The following FRMPD1 variants were observed in gnomAD, a reference collection of about 807,000 sequenced individuals.
FRMPD1 encodes FERM and PDZ domain-containing protein 1.
In FRMPD1, 76 loss-of-function variants were observed where a neutral mutation model predicts 117.8. That is an observed-to-expected ratio of 0.65 (90% CI 0.54 to 0.78). FRMPD1 has a LOEUF of 0.78. Ranked by LOEUF, FRMPD1 falls within the 30% of genes least tolerant of loss-of-function variation. The probability of loss-of-function intolerance (pLI) is 0.00; values close to 1 mark genes in which losing one functional copy is unlikely to be tolerated. For synonymous variants in FRMPD1, 783 were observed against 770.4 expected (o/e 1.02, Z -0.27); for missense variants, 1,786 against 1,964.5 (o/e 0.91, Z 1.72).
intron 1 of FRMPD1, among the ~76,000 whole-genome samples, chr9:37,686,673 A>G (rs1821959013): frequency 6.6e-6 from 1 of 152,182 alleles, no homozygotes; most frequent in Non-Finnish European, 1.5e-5. Context: ...TAATTCTCTT[A>G]ATTAGAACCA....
At chr9:37,704,432 G>T (rs1265738261) in intron 2 of FRMPD1, among the ~76,000 whole-genome samples, 2 of 152,094 alleles carry the variant, frequency 1.3e-5, no homozygotes, top group Admixed American at 6.5e-5. Context: ...GTAGCTATTA[G>T]AAAACTTAAA....
chr9:37,735,491 A>C, intron 12 of FRMPD1, 61 bp from the exon 13 acceptor site: 1 of 1,250,618 alleles, frequency 8.0e-7, no homozygotes, highest in Non-Finnish European at 1.2e-6. Context: ...TATTGCTTAC[A>C]TGTGAAATGT....
At chr9:37,743,292 C>T (rs1239477920) in intron 15 of FRMPD1, among the ~76,000 whole-genome samples, 3 of 152,162 alleles carry the variant, frequency 2.0e-5, no homozygotes, top group African/African-American at 7.2e-5. Context: ...TATAAAAATG[C>T]ACTAATTCCT....
chr9:37,717,079 C>T (rs1823150984), intron 5 of FRMPD1, among the ~76,000 whole-genome samples: 1 of 152,046 alleles, frequency 6.6e-6, no homozygotes, highest in East Asian at 1.9e-4. Flanking sequence ...CTGGCCTTTT[C>T]CACAGGGGGA....
chr9:37,625,213 C>A, the FRMPD1 span, among the ~76,000 whole-genome samples: 1 of 152,256 alleles, frequency 6.6e-6, no homozygotes, highest in Non-Finnish European at 1.5e-5. Flanking sequence ...GATGAAAAAC[C>A]CTTCAAAGCT....
At chr9:37,649,577 G>T (rs746126905), upstream of FRMPD1, among the ~76,000 whole-genome samples, 2 of 152,220 alleles carry the variant, frequency 1.3e-5, no homozygotes, top group African/African-American at 4.8e-5. Context: ...ATTTGGAAAT[G>T]AAGGTCACAA....
At chr9:37,698,544 A>G (rs1588938042) in intron 2 of FRMPD1, among the ~76,000 whole-genome samples, 1 of 109,880 alleles carries the variant, frequency 9.1e-6, no homozygotes, top group East Asian at 2.7e-4. Flanking sequence ...TATGCATCTC[A>G]TTATCTTTTT....
intron 14 of FRMPD1, among the ~76,000 whole-genome samples, chr9:37,739,793 A>T (rs1824294717): frequency 6.6e-6 from 1 of 152,120 alleles, no homozygotes; most frequent in Admixed American, 6.5e-5. Flanking sequence ...CAAAGTAAAT[A>T]CCACATTTCC....
chr9:37,678,387 A>C (rs1178931497), intron 1 of FRMPD1, among the ~76,000 whole-genome samples: 1 of 150,536 alleles, frequency 6.6e-6, no homozygotes, highest in East Asian at 2.0e-4. Flanking sequence ...CAGCCTCCCA[A>C]GTAGCTGGGA....
At chr9:37,641,102 G>T in the FRMPD1 span, among the ~76,000 whole-genome samples, 1 of 152,136 alleles carries the variant, frequency 6.6e-6, no homozygotes, top group Non-Finnish European at 1.5e-5. Context: ...TACCCAGGCT[G>T]GTCCTGGACT....
chr9:37,686,334 A>G (rs116896804), intron 1 of FRMPD1, among the ~76,000 whole-genome samples: 34 of 152,376 alleles, frequency 2.2e-4, no homozygotes, highest in Non-Finnish European at 4.4e-4. Flanking sequence ...ATTCAGCTTT[A>G]TGTAAAGAAA....
intron 1 of FRMPD1, among the ~76,000 whole-genome samples, chr9:37,653,580 A>G (rs987764562): frequency 3.3e-5 from 5 of 152,162 alleles, no homozygotes; most frequent in African/African-American, 1.2e-4. Context: ...GGCTAATCAG[A>G]AGGCTCAATC....
chr9:37,736,885 GCGCA>G (rs1256947645), intron 13 of FRMPD1, among the ~76,000 whole-genome samples: 2 of 66,782 alleles, frequency 3.0e-5, no homozygotes, highest in Admixed American at 1.8e-4. Context: ...GTGTATGTGT[GCGCA>G]CACACACACG....
At chr9:37,637,199 G>A in the FRMPD1 span, 3 of 1,610,278 alleles carry the variant, frequency 1.9e-6, no homozygotes, top group South Asian at 1.1e-5. Flanking sequence ...CTCTGTGTAA[G>A]GGTCATCAGC....
chr9:37,653,124 G>C (rs909612608), intron 1 of FRMPD1, among the ~76,000 whole-genome samples: 1 of 152,166 alleles, frequency 6.6e-6, no homozygotes, highest in Non-Finnish European at 1.5e-5. Context: ...AGAGGCTCTG[G>C]AGGCTCTGAA....
intron 2 of FRMPD1, among the ~76,000 whole-genome samples, chr9:37,701,492 C>T (rs752641795): frequency 0.2 from 21,102 of 104,062 alleles, 1,616 homozygotes; most frequent in Non-Finnish European, 0.28. Context: ...TGTGTGTGCG[C>T]GCGTGTGTGT....
At chr9:37,734,635 G>A (rs1270153716) in intron 12 of FRMPD1, among the ~76,000 whole-genome samples, 1 of 152,098 alleles carries the variant, frequency 6.6e-6, no homozygotes, top group Non-Finnish European at 1.5e-5. Flanking sequence ...AAAAGATTTG[G>A]TATGCATCTC....
chr9:37,697,309 G>A (rs973740064), intron 2 of FRMPD1, among the ~76,000 whole-genome samples: 3 of 152,064 alleles, frequency 2.0e-5, no homozygotes, highest in Admixed American at 1.3e-4. Context: ...TTTAGAAATA[G>A]CTAAACTCGG....
intron 1 of FRMPD1, chr9:37,668,420 T>A (rs1263654379): frequency 1.3e-5 from 2 of 152,280 alleles, no homozygotes; most frequent in Non-Finnish European, 2.9e-5. Flanking sequence ...GGGAAGGTCA[T>A]TTGATATTCA....
Sources: gnomAD v4.1 joint callset for allele counts (sites outside exome capture counted in the v4.1 genomes callset) on GRCh38, gnomAD v4.1.1 for gene constraint, MANE v1.5 for transcripts, NCBI Gene and HGNC (gene_info 2026-07-23, HGNC 2026-07-21) for gene names.